Variants in KCNK5 observed in about 807,000 individuals in gnomAD.
KCNK5 encodes the protein potassium two pore domain channel subfamily K member 5.
KCNK5 carries 18 observed loss-of-function variants against 32.9 expected under a neutral mutation model. The observed-to-expected ratio is 0.55, with a 90% CI of 0.38 to 0.81. The LOEUF (loss-of-function observed/expected upper bound fraction) is 0.81, where lower values mean the gene tolerates loss of function less well. Among genes scored for constraint, KCNK5 ranks in the 30% least tolerant of loss-of-function variants. The probability of loss-of-function intolerance (pLI) is 0.00; values close to 1 mark genes in which losing one functional copy is unlikely to be tolerated. For missense variants in KCNK5, 507 were observed against 651.0 expected (o/e 0.78, Z 2.41); for synonymous variants, 276 against 275.3 (o/e 1.00, Z -0.03).
intron 1 of KCNK5, among the ~76,000 whole-genome samples, chr6:39,215,897 C>A (rs1043855853): frequency 5.9e-5 from 9 of 152,192 alleles, no homozygotes; most frequent in African/African-American, 1.9e-4. Flanking sequence ...TTAGGGCTGT[C>A]AGGATAGTCG....
chr6:39,192,295 A>T, intron 4 of KCNK5, among the ~76,000 whole-genome samples: 1 of 150,940 alleles, frequency 6.6e-6, no homozygotes. Flanking sequence ...AAAAAAAAAA[A>T]AAAAAAAAAA....
intron 1 of KCNK5, among the ~76,000 whole-genome samples, chr6:39,225,623 T>C (rs1429439547): frequency 1.3e-5 from 2 of 152,160 alleles, no homozygotes; most frequent in Admixed American, 6.5e-5. Context: ...AGGTGCTGGG[T>C]CAGCCAGGCA....
At chr6:39,206,840 G>C (rs111893902) in intron 1 of KCNK5, among the ~76,000 whole-genome samples, 1 of 151,868 alleles carries the variant, frequency 6.6e-6, no homozygotes, top group African/African-American at 2.4e-5. Flanking sequence ...TTGGCGCGTC[G>C]ATTACAAAAA....
At chr6:39,218,975 T>C (rs566968199) in intron 1 of KCNK5, among the ~76,000 whole-genome samples, 64 of 152,334 alleles carry the variant, frequency 4.2e-4, no homozygotes, top group African/African-American at 1.5e-3. Context: ...CTGATTCTCT[T>C]GCAGCAGTCC....
intron 1 of KCNK5, among the ~76,000 whole-genome samples, chr6:39,196,545 AC>A (rs1263074368): frequency 4.0e-5 from 6 of 151,772 alleles, no homozygotes; most frequent in Non-Finnish European, 7.4e-5. Context: ...CCCCCCATAT[AC>A]CCTTCAGCCT....
At chr6:39,192,689 T>A (rs933156914) in intron 4 of KCNK5, among the ~76,000 whole-genome samples, 4 of 152,140 alleles carry the variant, frequency 2.6e-5, no homozygotes, top group African/African-American at 9.7e-5. Flanking sequence ...GAGGGCTCTG[T>A]CTGCTCCACA....
chr6:39,210,384 G>A (rs967516887), intron 1 of KCNK5, among the ~76,000 whole-genome samples: 14 of 152,144 alleles, frequency 9.2e-5, no homozygotes, highest in African/African-American at 2.9e-4. Context: ...GTAGAACAGG[G>A]GGTTCTCGTC....
rs1770944803 is a variant in KCNK5, at chr6:39,191,835, G to T, written c.635-80C>A. 1 of 1,477,132 alleles carries T rather than the reference G, an allele frequency of 6.8e-7. No homozygotes were observed. Among genetic ancestry groups the T allele is most frequent in the Non-Finnish European group, 9.2e-7 (1 of 1,083,738 alleles). 91.5% of individuals were successfully genotyped at this position (1,477,132 alleles called of 1,614,324 possible). A position where few individuals can be genotyped will look rare whatever the true frequency, so the allele number is the denominator to read the frequency against. On this transcript the variant is annotated intron_variant, in intron 4 of 4. Transcript: ENST00000359534. The surrounding 1 kb of genome is among the most constrained non-coding windows in gnomAD (Gnocchi z 5.8). ...TGCAATGGCCAATGCTGTGTGATCTGAGCAGGGGTCAGGCCAGAGCACAGG... is the reference window on the plus strand; with the variant it reads ...TGCAATGGCCAATGCTGTGTGATCTTAGCAGGGGTCAGGCCAGAGCACAGG...
At chr6:39,209,024 G>C (rs1190133082) in intron 1 of KCNK5, among the ~76,000 whole-genome samples, 1 of 152,156 alleles carries the variant, frequency 6.6e-6, no homozygotes, top group Non-Finnish European at 1.5e-5. Flanking sequence ...CCGGGAGATG[G>C]AGGTTGCAGT....
At chr6:39,196,269 T>C (rs900046389) in intron 1 of KCNK5, among the ~76,000 whole-genome samples, 2 of 152,164 alleles carry the variant, frequency 1.3e-5, no homozygotes, top group Non-Finnish European at 2.9e-5. Context: ...CACCTGGAAA[T>C]CTTGTTCAAC....
rs1226626372 is a variant in KCNK5 at position 39,192,283 on chromosome 6, C to CAAAAAAAAA, written c.635-537_635-529dup. 8.6e-5 allele frequency among the ~76,000 whole-genome samples: 4 copies of CAAAAAAAAA among 46,718 alleles called. 1 individual carries two copies. Among genetic ancestry groups the CAAAAAAAAA allele is most frequent in the Non-Finnish European group, 1.0e-4 (3 of 29,120 alleles). 30.6% of individuals were successfully genotyped at this position (46,718 alleles called of 152,430 possible). ...TGGGCAGCAGACAGAGACTCCGTCTCAAAAAAAAAAAAAAAAAAAAAAAAA... is the reference window on the plus strand; with the variant it reads ...TGGGCAGCAGACAGAGACTCCGTCTCAAAAAAAAAAAAAAAAAAAAAAAAAAAAAAAAAA... On this transcript the variant is annotated intron_variant, in intron 4 of 4. Coordinates refer to ENST00000359534, the MANE Select transcript of KCNK5 (RefSeq NM_003740.4).
At chr6:39,206,508 A>G (rs1321013131) in intron 1 of KCNK5, among the ~76,000 whole-genome samples, 2 of 151,958 alleles carry the variant, frequency 1.3e-5, no homozygotes, top group Admixed American at 1.3e-4. Flanking sequence ...CTGACTCATC[A>G]CCTTCCCATC....
At chr6:39,200,539 G>A (rs949670251) in intron 1 of KCNK5, among the ~76,000 whole-genome samples, 19 of 152,106 alleles carry the variant, frequency 1.2e-4, no homozygotes, top group South Asian at 2.1e-4. Context: ...GCCAAGACTA[G>A]AACCCAGGCC....
rs1278540874 is a variant in KCNK5, at chr6:39,190,022, A to G, written c.*868T>C. On this transcript the variant is annotated 3_prime_UTR_variant, in exon 5 of 5. Transcript: ENST00000359534. The stretch of plus-strand genomic sequence containing the variant: ...CAGTTCTCAGGCGGGCAGGAGGGGT[A>G]AGGGCAGAACCAGCCAGAGCTGAGC... 6.5e-6 allele frequency: 1 copy of G among 152,694 alleles called. No homozygotes were observed. Among genetic ancestry groups the G allele is most frequent in the Non-Finnish European group, 1.5e-5 (1 of 68,438 alleles). The allele number at this position is 152,694 out of a possible 1,614,324, so 9.5% of individuals were successfully genotyped here. A position where few individuals can be genotyped will look rare whatever the true frequency, so the allele number is the denominator to read the frequency against.
chr6:39,198,387 T>C (rs774406888), intron 1 of KCNK5, among the ~76,000 whole-genome samples: 7 of 152,174 alleles, frequency 4.6e-5, no homozygotes, highest in Non-Finnish European at 7.3e-5. Context: ...GGTTTACTAA[T>C]CCAATGTGCA....
chr6:39,210,706 G>GTT (rs1771320055), intron 1 of KCNK5, among the ~76,000 whole-genome samples: 1 of 152,200 alleles, frequency 6.6e-6, no homozygotes, highest in South Asian at 2.1e-4. Context: ...GGATCTCATA[G>GTT]TTTAACAAGA....
chr6:39,229,331 C>T lies in KCNK5; in HGVS notation c.-220G>A. On this transcript the variant is annotated 5_prime_UTR_variant, in exon 1 of 5. Transcript: ENST00000359534. Reference sequence around the variant, plus strand: ...TGCGTGGGGCCCCACTCACGCGGCCCGGGGTGGGCGAACACCAGCGGGGCT... The same window carrying T: ...TGCGTGGGGCCCCACTCACGCGGCCTGGGGTGGGCGAACACCAGCGGGGCT... 1 of 590,918 alleles carries T rather than the reference C, an allele frequency of 1.7e-6. No homozygotes were observed. The highest frequency in any genetic ancestry group is 3.0e-6 in the Non-Finnish European group (1 of 335,884). 36.6% of individuals were successfully genotyped at this position (590,918 alleles called of 1,614,324 possible). A position where few individuals can be genotyped will look rare whatever the true frequency, so the allele number is the denominator to read the frequency against.
intron 1 of KCNK5, among the ~76,000 whole-genome samples, chr6:39,222,261 T>C (rs1231189455): frequency 1.3e-5 from 2 of 151,866 alleles, no homozygotes; most frequent in Non-Finnish European, 2.9e-5. Flanking sequence ...AGAACTAGAG[T>C]GTGAAGGTCA....
rs1223662737 is a variant in KCNK5 at position 39,190,618 on chromosome 6, G to C, written c.*272C>G. On this transcript the variant is annotated 3_prime_UTR_variant, in exon 5 of 5. Coordinates refer to ENST00000359534, the MANE Select transcript of KCNK5 (RefSeq NM_003740.4). ...AGGGTCAGTCCTGCCCACCTGTCCC[G>C]CCAGCCAGCATGTCTTTGCATTGTG... is the stretch of plus-strand genomic sequence containing the variant. The C allele has an allele frequency of 3.0e-6, 1 of 337,134 alleles. No homozygotes were observed. The highest frequency in any genetic ancestry group is 4.4e-5 in the Admixed American group (1 of 22,878). 20.9% of individuals were successfully genotyped at this position (337,134 alleles called of 1,614,324 possible).
Sources: allele counts gnomAD v4.1 joint callset (sites outside exome capture counted in the v4.1 genomes callset), GRCh38; gene constraint gnomAD v4.1.1; non-coding constraint Gnocchi (gnomAD v3.1); transcripts MANE v1.5; gene names NCBI Gene and HGNC (gene_info 2026-07-23, HGNC 2026-07-21).